Variants in JAZF1 observed in about 807,000 individuals in gnomAD.
The protein encoded by JAZF1 is JAZF zinc finger 1.
In JAZF1, 8 loss-of-function variants were observed where a neutral mutation model predicts 26.4. The observed-to-expected ratio is 0.30, with a 90% CI of 0.18 to 0.55. The LOEUF (loss-of-function observed/expected upper bound fraction) is 0.55. Ranked by LOEUF, JAZF1 falls within the 20% of genes least tolerant of loss-of-function variation. JAZF1 has a pLI of 0.94. For synonymous variants in JAZF1, 126 were observed against 122.3 expected (o/e 1.03, Z -0.20); for missense variants, 199 against 322.0 (o/e 0.62, Z 2.92).
At chr7:28,061,506 A>G (rs977342749) in intron 1 of JAZF1, among the ~76,000 whole-genome samples, 1 of 152,232 alleles carries the variant, frequency 6.6e-6, no homozygotes, top group African/African-American at 2.4e-5. Flanking sequence ...GAGTACAATG[A>G]AAGTAAAAAG....
chr7:28,043,534 T>A (rs1408691025), intron 1 of JAZF1, among the ~76,000 whole-genome samples: 1 of 152,136 alleles, frequency 6.6e-6, no homozygotes, highest in Non-Finnish European at 1.5e-5. Flanking sequence ...ACACTGTGAG[T>A]TAAACGTTGC....
intron 1 of JAZF1, 38 bp from the exon 2 acceptor site, chr7:27,992,019 TGC>T (rs1285681710): frequency 1.6e-6 from 2 of 1,271,882 alleles, no homozygotes; most frequent in African/African-American, 2.9e-5. Flanking sequence ...TTTTAGATTT[TGC>T]ATCAGAATAT....
At position 28,153,004 on chromosome 7, in the gene JAZF1, T is replaced by C. The variant is rs552265208; in HGVS notation, c.115+27459A>G. ...CCGTATTATATAGTTTCTTAGTTTC[T>C]AGGGAGAATTTTTAAAATTTATAAA... On this transcript the variant is annotated intron_variant, in intron 1 of 4. Transcript: ENST00000283928. Among the ~76,000 whole-genome samples, 65 of 152,336 alleles carry C rather than the reference T, an allele frequency of 4.3e-4. No homozygotes were observed. In the Middle Eastern group the frequency reaches 0.01, roughly 24 times the overall value.
intron 1 of JAZF1, among the ~76,000 whole-genome samples, chr7:28,155,165 T>C (rs967223470): frequency 2.0e-5 from 3 of 152,208 alleles, no homozygotes; most frequent in African/African-American, 7.2e-5. Flanking sequence ...CTGTATATTT[T>C]CTGGAACATA....
chr7:27,855,421 A>G (rs1783229266), intron 3 of JAZF1, among the ~76,000 whole-genome samples: 2 of 152,124 alleles, frequency 1.3e-5, no homozygotes, highest in Non-Finnish European at 2.9e-5. Context: ...AAAAAAATCA[A>G]TGAATCCAGG....
intron 2 of JAZF1, among the ~76,000 whole-genome samples, chr7:27,963,791 C>T (rs1785227166): frequency 6.6e-6 from 1 of 152,140 alleles, no homozygotes; most frequent in Non-Finnish European, 1.5e-5. Context: ...TGATTTCAAA[C>T]TCCTGGGATC....
At chr7:27,926,172 C>T (rs930873960) in intron 2 of JAZF1, among the ~76,000 whole-genome samples, 1 of 152,192 alleles carries the variant, frequency 6.6e-6, no homozygotes, top group South Asian at 2.1e-4. Context: ...TCCTTTGTAA[C>T]CATCTTCCTG....
chr7:28,145,462 C>G (rs10277507), intron 1 of JAZF1, among the ~76,000 whole-genome samples: 135 of 152,258 alleles, frequency 8.9e-4, no homozygotes, highest in African/African-American at 3.1e-3. Flanking sequence ...TAATCTTACC[C>G]CTAAGTAACA....
intron 3 of JAZF1, among the ~76,000 whole-genome samples, chr7:27,862,505 TCA>T (rs35808957): frequency 0.2 from 31,163 of 152,070 alleles, 3,386 homozygotes; most frequent in Middle Eastern, 0.29. Context: ...TTCCATATAT[TCA>T]CAGAGTAGTG....
intron 1 of JAZF1, among the ~76,000 whole-genome samples, chr7:28,141,970 A>T (rs1324257467): frequency 6.6e-6 from 1 of 152,220 alleles, no homozygotes; most frequent in Non-Finnish European, 1.5e-5. Context: ...AATACCAGTT[A>T]GCTAAATTAT....
chr7:28,147,451 C>G (rs1412624554), intron 1 of JAZF1, among the ~76,000 whole-genome samples: 2 of 152,012 alleles, frequency 1.3e-5, no homozygotes, highest in Admixed American at 1.3e-4. Flanking sequence ...ACACACTTAA[C>G]ATATTTCTTT....
At chr7:28,083,732 G>A (rs1019356564) in intron 1 of JAZF1, among the ~76,000 whole-genome samples, 41 of 151,954 alleles carry the variant, frequency 2.7e-4, no homozygotes, top group African/African-American at 9.7e-4. Context: ...TTCTTTATGT[G>A]AGCATTATTC....
intron 1 of JAZF1, among the ~76,000 whole-genome samples, chr7:28,170,102 A>T (rs1352671604): frequency 6.6e-6 from 1 of 151,626 alleles, no homozygotes; most frequent in African/African-American, 2.4e-5. Flanking sequence ...CCCCATATGT[A>T]CCACTAGTCA....
intron 3 of JAZF1, among the ~76,000 whole-genome samples, chr7:27,847,051 C>T (rs972253103): frequency 1.3e-5 from 2 of 152,130 alleles, no homozygotes; most frequent in African/African-American, 4.8e-5. Context: ...CTCACCACAA[C>T]CTCCACCTCC....
chr7:28,015,047 G>A (rs1782863341), intron 1 of JAZF1, among the ~76,000 whole-genome samples: 1 of 151,672 alleles, frequency 6.6e-6, no homozygotes, highest in Non-Finnish European at 1.5e-5. Context: ...GTGTGTGTGT[G>A]TGTGTGTGTG....
chr7:28,117,849 T>C lies in JAZF1; in HGVS notation c.115+62614A>G, dbSNP rs150611162. Among the ~76,000 whole-genome samples, 396 of 152,342 alleles carry C rather than the reference T, an allele frequency of 2.6e-3. 2 individuals are homozygous for C. The highest frequency in any genetic ancestry group is 9.0e-3 in the African/African-American group (373 of 41,566). On this transcript the variant is annotated intron_variant, in intron 1 of 4. Coordinates refer to ENST00000283928, the MANE Select transcript of JAZF1 (RefSeq NM_175061.4). Reference sequence around the variant, plus strand: ...AGATATACAGACACAAACTGCCATTTAGAAGTTTACAACTGGGAGGTCGCT... The same window carrying C: ...AGATATACAGACACAAACTGCCATTCAGAAGTTTACAACTGGGAGGTCGCT...
chr7:27,864,999 G>C (rs1287777431), intron 3 of JAZF1, among the ~76,000 whole-genome samples: 2 of 152,196 alleles, frequency 1.3e-5, no homozygotes, highest in African/African-American at 4.8e-5. Context: ...CCAGGAGTAG[G>C]TTGTGAGATC....
intron 1 of JAZF1, among the ~76,000 whole-genome samples, chr7:28,164,300 A>G (rs1420498820): frequency 6.6e-6 from 1 of 152,236 alleles, no homozygotes; most frequent in Admixed American, 6.5e-5. Context: ...ATGCTTCATT[A>G]TTGTAGCAGC....
At chr7:28,041,525 G>T (rs1465139021) in intron 1 of JAZF1, among the ~76,000 whole-genome samples, 1 of 152,130 alleles carries the variant, frequency 6.6e-6, no homozygotes, top group Non-Finnish European at 1.5e-5. Context: ...CAGCCTTCCA[G>T]AAGCCAGTGA....
Sources: gnomAD v4.1 joint callset for allele counts (sites outside exome capture counted in the v4.1 genomes callset) on GRCh38, gnomAD v4.1.1 for gene constraint, MANE v1.5 for transcripts, NCBI Gene and HGNC (gene_info 2026-07-23, HGNC 2026-07-21) for gene names.